Variants in NEDD4L observed in about 807,000 individuals in gnomAD.
NEDD4L encodes the protein E3 ubiquitin-protein ligase NEDD4-like.
Under a neutral mutation model 148.9 loss-of-function variants are expected in NEDD4L, and 54 were observed. The ratio of observed to expected loss-of-function variants is 0.36; its 90% CI spans 0.29 to 0.45. The LOEUF (loss-of-function observed/expected upper bound fraction) is 0.45. Ranked by LOEUF, NEDD4L falls within the 20% of genes least tolerant of loss-of-function variation. The pLI is 1.00. For synonymous variants in NEDD4L, 433 were observed against 440.7 expected, an observed-to-expected ratio of 0.98 and a Z score of 0.22; for missense variants, 856 against 1,233.8, an observed-to-expected ratio of 0.69 and a Z score of 4.59.
At chr18:58,121,486 C>A (rs2086237453) in intron 1 of NEDD4L, among the ~76,000 whole-genome samples, 1 of 151,860 alleles carries the variant, frequency 6.6e-6, no homozygotes, top group Non-Finnish European at 1.5e-5. Flanking sequence ...TGGTGTGGCC[C>A]TGGCTCACTG....
chr18:58,212,203 T>A (rs1184838322), intron 2 of NEDD4L, among the ~76,000 whole-genome samples: 1 of 152,178 alleles, frequency 6.6e-6, no homozygotes, highest in Non-Finnish European at 1.5e-5. Context: ...CAGGGCTCAC[T>A]GCAGCCTTGA....
intron 2 of NEDD4L, among the ~76,000 whole-genome samples, chr18:58,169,624 A>G (rs1178241422): frequency 6.6e-6 from 1 of 152,238 alleles, no homozygotes; most frequent in Non-Finnish European, 1.5e-5. Flanking sequence ...AAATGCCACT[A>G]AGACATCAAA....
chr18:58,053,499 C>T (rs9989620), intron 1 of NEDD4L, among the ~76,000 whole-genome samples: 137,350 of 152,074 alleles, frequency 0.9, 62,110 homozygotes, highest in East Asian at 1. Flanking sequence ...TTAGTAGAGA[C>T]GGGGTTTCAC....
intron 1 of NEDD4L, among the ~76,000 whole-genome samples, chr18:58,100,197 A>G (rs1409641834): frequency 6.6e-6 from 1 of 152,074 alleles, no homozygotes; most frequent in African/African-American, 2.4e-5. Context: ...GGGGAGGAGC[A>G]CTTGTCTGTG....
At chr18:58,267,877 T>C (rs760550676) in intron 5 of NEDD4L, among the ~76,000 whole-genome samples, 1 of 152,090 alleles carries the variant, frequency 6.6e-6, no homozygotes, top group Non-Finnish European at 1.5e-5. Flanking sequence ...TCATTTATCC[T>C]GCAAGCTTCA....
At chr18:58,059,098 CT>C (rs1354484678) in intron 1 of NEDD4L, among the ~76,000 whole-genome samples, 4 of 152,138 alleles carry the variant, frequency 2.6e-5, no homozygotes, top group South Asian at 2.1e-4. Context: ...CTTCTTCTTT[CT>C]TTTTTTTCCT....
chr18:58,119,314 G>T (rs1263531035), intron 1 of NEDD4L, among the ~76,000 whole-genome samples: 1 of 152,172 alleles, frequency 6.6e-6, no homozygotes, highest in Non-Finnish European at 1.5e-5. Context: ...TGGGGGAGGT[G>T]GGGGAGGTGT....
intron 5 of NEDD4L, among the ~76,000 whole-genome samples, chr18:58,301,338 C>T (rs540416515): frequency 7.2e-5 from 11 of 152,102 alleles, no homozygotes; most frequent in Non-Finnish European, 1.3e-4. Flanking sequence ...TGAAATTGGG[C>T]GCTTTGATCA....
At chr18:58,069,846 C>G (rs1439735812) in intron 1 of NEDD4L, among the ~76,000 whole-genome samples, 1 of 152,210 alleles carries the variant, frequency 6.6e-6, no homozygotes, top group Admixed American at 6.5e-5. Flanking sequence ...CAAGAAAACA[C>G]TGGGATCTCA....
chr18:58,366,015 G>A lies in NEDD4L; in HGVS notation c.1850G>A (p.Arg617Lys), dbSNP rs755715125. ...TTTGTGTAGGCTGATATCCCCAATA[G>A]GTTTGAAATGAAACTTCACAGAAAT... ...KLKKPADIPN[R>K]FEMKLHRNNI... The change falls in exon 21 of 31, where the codon AGG becomes AAG. Residue 617 changes from arginine (R) to lysine (K), a missense_variant. By Grantham distance (26) the Arg-to-Lys change is conservative (BLOSUM62 2). Around this residue, in one of 4 missense-constraint regions of NEDD4L, gnomAD observed 286 missense variants for 531.8 expected, o/e 0.54. Coordinates refer to ENST00000400345, the MANE Select transcript of NEDD4L (RefSeq NM_001144967.3). The surrounding 1 kb of genome is among the most constrained non-coding windows in gnomAD (Gnocchi z 4.2). 1.2e-6 allele frequency: 2 copies of A among 1,609,826 alleles called. No individual in the cohort carries two copies. The highest frequency in any genetic ancestry group is 1.7e-6 in the Non-Finnish European group (2 of 1,177,598).
At chr18:58,047,104 G>A (rs1465658527) in intron 1 of NEDD4L, 1 of 220,500 alleles carries the variant, frequency 4.5e-6, no homozygotes, top group African/African-American at 2.3e-5. Flanking sequence ...GAAGATTTTA[G>A]CAGGCTCTGA....
intron 2 of NEDD4L, among the ~76,000 whole-genome samples, chr18:58,203,039 C>G (rs1431252092): frequency 2.6e-5 from 4 of 152,050 alleles, no homozygotes; most frequent in African/African-American, 7.2e-5. Context: ...ACACTTGTAG[C>G]TCACTGCAGC....
chr18:58,180,079 C>T (rs1418637727), intron 2 of NEDD4L, among the ~76,000 whole-genome samples: 2 of 152,196 alleles, frequency 1.3e-5, no homozygotes, highest in African/African-American at 4.8e-5. Flanking sequence ...ATCTCTAAGA[C>T]ACAGACAGAC....
chr18:58,190,261 A>G (rs1438100154), intron 2 of NEDD4L, among the ~76,000 whole-genome samples: 2 of 152,184 alleles, frequency 1.3e-5, no homozygotes, highest in Non-Finnish European at 2.9e-5. Flanking sequence ...TTATCTATCC[A>G]AAGAGAGTGT....
chr18:58,241,651 C>T (rs1248688233), intron 2 of NEDD4L, among the ~76,000 whole-genome samples: 1 of 151,798 alleles, frequency 6.6e-6, no homozygotes, highest in Non-Finnish European at 1.5e-5. Context: ...TGCTTTTTTC[C>T]TGGGTGCTTG....
At chr18:58,072,012 A>C (rs1021386382) in intron 1 of NEDD4L, among the ~76,000 whole-genome samples, 1 of 152,218 alleles carries the variant, frequency 6.6e-6, no homozygotes, top group African/African-American at 2.4e-5. Flanking sequence ...TTGTATGCCA[A>C]CAAATTAGGT....
chr18:58,341,194 A>G, intron 14 of NEDD4L, 25 bp downstream of exon 14: 2 of 1,609,598 alleles, frequency 1.2e-6, no homozygotes, highest in South Asian at 1.1e-5. Flanking sequence ...ATCCAACTTA[A>G]AACCGCAGGC....
intron 1 of NEDD4L, among the ~76,000 whole-genome samples, chr18:58,156,421 T>G (rs533502): frequency 0.76 from 114,931 of 152,194 alleles, 43,890 homozygotes; most frequent in African/African-American, 0.87. Flanking sequence ...GATGGGAATT[T>G]TAATTATTCC....
At chr18:58,354,647 G>A (rs1483501809) in intron 18 of NEDD4L, among the ~76,000 whole-genome samples, 1 of 152,216 alleles carries the variant, frequency 6.6e-6, no homozygotes, top group Non-Finnish European at 1.5e-5. Context: ...TGCTGGGACT[G>A]GTCTTAAGTG....
Sources: gnomAD v4.1 joint callset for allele counts (sites outside exome capture counted in the v4.1 genomes callset) on GRCh38, gnomAD v4.1.1 for gene constraint, gnomAD v4.1.1 regional missense constraint, Gnocchi (gnomAD v3.1) non-coding constraint, MANE v1.5 for transcripts, NCBI Gene and HGNC (gene_info 2026-07-23, HGNC 2026-07-21) for gene names.